Variants in DOT1L observed in about 807,000 individuals in gnomAD.
DOT1L encodes DOT1 like histone lysine methyltransferase, also known as histone-lysine N-methyltransferase, H3 lysine-79 specific.
Under a neutral mutation model 153.3 loss-of-function variants are expected in DOT1L, and 33 were observed. The observed-to-expected ratio is 0.22, with a 90% CI of 0.16 to 0.29. The LOEUF (loss-of-function observed/expected upper bound fraction) is 0.29, where lower values mean the gene tolerates loss of function less well. DOT1L is among the 10% of genes least tolerant of loss of function. The pLI, the probability that DOT1L is intolerant of heterozygous loss-of-function variation, is 1.00. For missense variants in DOT1L, 1,847 were observed against 2,119.9 expected, an observed-to-expected ratio of 0.87 and a Z score of 2.53; for synonymous variants, 1,135 against 965.1, an observed-to-expected ratio of 1.18 and a Z score of -3.26.
intron 22 of DOT1L, among the ~76,000 whole-genome samples, chr19:2,219,035 C>A (rs2024016892): frequency 6.6e-6 from 1 of 152,220 alleles, no homozygotes; most frequent in Non-Finnish European, 1.5e-5. Flanking sequence ...CTATGCCCAG[C>A]TGATTTTTGT....
chr19:2,219,467 G>A (rs1240710150), intron 22 of DOT1L, among the ~76,000 whole-genome samples: 2 of 152,186 alleles, frequency 1.3e-5, no homozygotes, highest in Admixed American at 1.3e-4. Flanking sequence ...GGCACGTGAG[G>A]GCATTCCCTG....
chr19:2,222,795 AATG>A lies in DOT1L; in HGVS notation c.3390+240_3390+242del, dbSNP rs2024175541. The A allele has an allele frequency of 5.7e-6, 3 of 521,966 alleles. No individual in the cohort carries two copies. Among genetic ancestry groups the A allele is most frequent in the Non-Finnish European group, 1.0e-5 (3 of 298,830 alleles). The allele number at this position is 521,966 out of a possible 1,614,324, so 32.3% of individuals were successfully genotyped here. A position where few individuals can be genotyped will look rare whatever the true frequency, so the allele number is the denominator to read the frequency against. ...GGTGCCTGGGAGGCTGAGGCAGGAG[AATG>A]ATGTGAACCCGGGAGGCGGGGCTTG... On this transcript the variant is annotated intron_variant, in intron 24 of 27. Transcript: ENST00000398665. The surrounding 1 kb of genome is among the most constrained non-coding windows in gnomAD (Gnocchi z 6.5).
chr19:2,168,941 C>T (rs1349228580), intron 1 of DOT1L, among the ~76,000 whole-genome samples: 1 of 152,126 alleles, frequency 6.6e-6, no homozygotes, highest in Non-Finnish European at 1.5e-5. Context: ...GGCAGGATGG[C>T]CCTGCCCTTC....
At position 2,208,463 on chromosome 19, in the gene DOT1L, C is replaced by T. The variant is rs1054360267; in HGVS notation, c.964-472C>T. Among the ~76,000 whole-genome samples the T allele has an allele frequency of 1.3e-5, 2 of 152,134 alleles. No homozygotes were observed. Among genetic ancestry groups the T allele is most frequent in the Non-Finnish European group, 2.9e-5 (2 of 68,022 alleles). ...GCACCCCGCCCTCCCACTGCTCCCC[C>T]GAGGGCCCTGGGACGAGAGGCATGG... On this transcript the variant is annotated intron_variant, in intron 11 of 27. Transcript: ENST00000398665. This position sits in a 1 kb window ranked among gnomAD's most constrained non-coding sequence, Gnocchi z 4.4.
intron 3 of DOT1L, among the ~76,000 whole-genome samples, chr19:2,188,902 T>C (rs1286929271): frequency 1.3e-5 from 2 of 152,128 alleles, no homozygotes; most frequent in Non-Finnish European, 2.9e-5. Context: ...TGGCCGGTGT[T>C]TCTTGTGGCT....
chr19:2,206,831 G>T, intron 10 of DOT1L, 34 bp downstream of exon 10: 1 of 1,598,384 alleles, frequency 6.3e-7, no homozygotes, highest in South Asian at 1.1e-5. Flanking sequence ...TGATGAACAC[G>T]GGTAATTTTA....
chr19:2,217,109 GC>G lies in DOT1L; in HGVS notation c.2544+23del. 1 of 1,571,926 alleles carries G rather than the reference GC, an allele frequency of 6.4e-7. No individual in the cohort carries two copies. The highest frequency in any genetic ancestry group is 8.6e-7 in the Non-Finnish European group (1 of 1,156,602). On this transcript the variant is annotated intron_variant, in intron 21 of 27. Transcript: ENST00000398665. The surrounding 1 kb of genome is among the most constrained non-coding windows in gnomAD (Gnocchi z 7.3). Reference sequence around the variant, plus strand: ...TGAGAAGGTGCGGGCCGCGACCCCTGCCCCGGGCTCAGGGAGGTGCTCAGCA... The same window carrying G: ...TGAGAAGGTGCGGGCCGCGACCCCTGCCCGGGCTCAGGGAGGTGCTCAGCA...
In DOT1L at chr19:2,226,275, G is replaced by A. The variant is rs749003392; in HGVS notation, c.3754G>A (p.Gly1252Ser). 5.6e-6 allele frequency: 9 copies of A among 1,595,836 alleles called. No individual in the cohort carries two copies. The highest frequency in any genetic ancestry group is 2.3e-5 in the East Asian group (1 of 44,278). Residue 1252 changes from glycine (G) to serine (S), a missense_variant, in exon 27 of 28, where the codon GGC becomes AGC. Around this residue, in one of 8 missense-constraint regions of DOT1L, gnomAD observed 934 missense variants for 825.3 expected, o/e 1.13. Coordinates refer to ENST00000398665, the MANE Select transcript of DOT1L (RefSeq NM_032482.3). ...CACCTTCTCGCCCATCTCCGACATC[G>A]GCCTGGCCAAGTCGGCGGACAGCCC... ...KSTFSPISDI[G>S]LAKSADSPLQ...
At position 2,232,573 on chromosome 19, in the gene DOT1L, C is replaced by T. The variant is rs1034648668; in HGVS notation, c.*2781C>T. ...CGCTGTAATAAACAGACTGTTTTCACTCGGACCTGGTGTGAATGGCAGCCT... is the reference window on the plus strand; with the variant it reads ...CGCTGTAATAAACAGACTGTTTTCATTCGGACCTGGTGTGAATGGCAGCCT... On this transcript the variant is annotated 3_prime_UTR_variant, in exon 28 of 28. Coordinates refer to ENST00000398665, the MANE Select transcript of DOT1L (RefSeq NM_032482.3). The T allele has an allele frequency of 2.5e-5, 5 of 203,256 alleles. No individual in the cohort carries two copies. Among genetic ancestry groups the T allele is most frequent in the African/African-American group, 1.1e-4 (5 of 43,588 alleles). 12.6% of individuals were successfully genotyped at this position (203,256 alleles called of 1,614,324 possible). A position where few individuals can be genotyped will look rare whatever the true frequency, so the allele number is the denominator to read the frequency against.
intron 1 of DOT1L, among the ~76,000 whole-genome samples, chr19:2,176,882 T>G (rs1054047987): frequency 3.3e-5 from 5 of 152,062 alleles, no homozygotes; most frequent in Non-Finnish European, 5.9e-5. Flanking sequence ...AATTCCAGCT[T>G]GAGGAGGGAG....
chr19:2,181,755 C>A (rs944410653), intron 2 of DOT1L, among the ~76,000 whole-genome samples: 3 of 149,230 alleles, frequency 2.0e-5, no homozygotes, highest in Admixed American at 1.3e-4. Context: ...GCCCAGCCCC[C>A]GCCCAGCACC....
chr19:2,206,682 T>TCTGTTTCCTCTCTC, intron 9 of DOT1L, 47 bp from the exon 10 acceptor site: 2 of 1,598,386 alleles, frequency 1.3e-6, no homozygotes, highest in Non-Finnish European at 1.7e-6. Flanking sequence ...TGTCTGCTCT[T>TCTGTTTCCTCTCTC]CTGTTTCCTC....
At position 2,209,830 on chromosome 19, in the gene DOT1L, C is replaced by T. The variant is rs192190907; in HGVS notation, c.1006-570C>T. On this transcript the variant is annotated intron_variant, in intron 12 of 27. Transcript: ENST00000398665. Reference sequence around the variant, plus strand: ...CTGGGCTCCAACCCGGCCTCAGAGCCTGGTACCCCTCGGGGGCCCTCTGTC... The same window carrying T: ...CTGGGCTCCAACCCGGCCTCAGAGCTTGGTACCCCTCGGGGGCCCTCTGTC... Among the ~76,000 whole-genome samples the T allele has an allele frequency of 2.7e-3, 405 of 151,904 alleles. 4 individuals are homozygous for T. Among genetic ancestry groups the T allele is most frequent in the African/African-American group, 7.4e-3 (307 of 41,560 alleles).
chr19:2,196,115 G>A (rs531038569), intron 7 of DOT1L, among the ~76,000 whole-genome samples: 79 of 152,370 alleles, frequency 5.2e-4, no homozygotes, highest in African/African-American at 1.8e-3. Flanking sequence ...GTGGGCGTGC[G>A]TCCTGCCTAG....
intron 1 of DOT1L, among the ~76,000 whole-genome samples, chr19:2,165,652 G>A (rs1451800950): frequency 6.6e-6 from 1 of 152,254 alleles, no homozygotes; most frequent in Non-Finnish European, 1.5e-5. Context: ...TCTCTGTTGG[G>A]CTCTCATCGT....
rs556949799 is a variant in DOT1L, at chr19:2,190,219, C to T, written c.264+424C>T. ...GCCTGGGCTGCACCCTTGGGCACCC[C>T]GGTCCTGCTGTGTCTCGTGAGGCTT... On this transcript the variant is annotated intron_variant, in intron 4 of 27. Coordinates refer to ENST00000398665, the MANE Select transcript of DOT1L (RefSeq NM_032482.3). The surrounding 1 kb of genome is among the most constrained non-coding windows in gnomAD (Gnocchi z 4.8). 9.9e-5 allele frequency among the ~76,000 whole-genome samples: 15 copies of T among 152,240 alleles called. No homozygotes were observed. The highest frequency in any genetic ancestry group is 3.9e-4 in the East Asian group (2 of 5,170).
intron 23 of DOT1L, chr19:2,221,035 G>A (rs1424747048): frequency 6.1e-6 from 1 of 163,918 alleles, no homozygotes; most frequent in Non-Finnish European, 1.3e-5. Flanking sequence ...AAATTAGCCG[G>A]ATGTGGTGGC....
intron 19 of DOT1L, 110 bp from the exon 20 acceptor site, chr19:2,216,171 A>C: frequency 2.1e-6 from 3 of 1,449,832 alleles, no homozygotes; most frequent in Non-Finnish European, 2.7e-6. Context: ...TCCATCCCAC[A>C]CAAGCAGCGG....
intron 2 of DOT1L, among the ~76,000 whole-genome samples, chr19:2,183,356 A>G (rs2022333147): frequency 6.6e-6 from 1 of 152,072 alleles, no homozygotes; most frequent in African/African-American, 2.4e-5. Flanking sequence ...TTTTTAGTAG[A>G]GGCGAGGTTT....
Sources: gnomAD v4.1 joint callset for allele counts (sites outside exome capture counted in the v4.1 genomes callset) on GRCh38, gnomAD v4.1.1 for gene constraint, gnomAD v4.1.1 regional missense constraint, Gnocchi (gnomAD v3.1) non-coding constraint, MANE v1.5 for transcripts, NCBI Gene and HGNC (gene_info 2026-07-23, HGNC 2026-07-21) for gene names.